Variants in ZNF451 observed in about 807,000 individuals in gnomAD.
The protein encoded by ZNF451 is E3 SUMO-protein ligase ZNF451.
In ZNF451, 80 loss-of-function variants were observed where a neutral mutation model predicts 107.1. The ratio of observed to expected loss-of-function variants is 0.75; its 90% CI spans 0.62 to 0.90. The LOEUF (loss-of-function observed/expected upper bound fraction) is 0.90, where lower values mean the gene tolerates loss of function less well. Among genes scored for constraint, ZNF451 ranks in the 40% least tolerant of loss-of-function variants. The pLI, the probability that ZNF451 is intolerant of heterozygous loss-of-function variation, is 0.00. For missense variants in ZNF451, 1,107 were observed against 1,236.2 expected, an observed-to-expected ratio of 0.90 and a Z score of 1.57; for synonymous variants, 362 against 406.5, an observed-to-expected ratio of 0.89 and a Z score of 1.32.
intron 3 of ZNF451, chr6:57,107,753 T>C (rs1203215433): frequency 5.1e-6 from 5 of 985,382 alleles, no homozygotes; most frequent in African/African-American, 3.5e-5. Context: ...TTTAGGACTT[T>C]GGAGATCTCT....
At chr6:57,131,767 A>G (rs758157424) in intron 5 of ZNF451, among the ~76,000 whole-genome samples, 1 of 152,190 alleles carries the variant, frequency 6.6e-6, no homozygotes, top group Non-Finnish European at 1.5e-5. Flanking sequence ...AAAGATAAAT[A>G]TTTAGCTTTT....
chr6:57,159,033 T>G, intron 13 of ZNF451: 4 of 985,376 alleles, frequency 4.1e-6, no homozygotes, highest in Non-Finnish European at 4.8e-6. Context: ...ACTTATTTCT[T>G]AAAGTCTGTC....
At chr6:57,162,009 T>C (rs1035945430) in intron 14 of ZNF451, among the ~76,000 whole-genome samples, 2 of 152,228 alleles carry the variant, frequency 1.3e-5, no homozygotes, top group Admixed American at 1.3e-4. Flanking sequence ...TTTACTTTGG[T>C]TTTTCTATAA....
intron 14 of ZNF451, among the ~76,000 whole-genome samples, chr6:57,164,188 C>T (rs373749984): frequency 3.3e-5 from 5 of 152,270 alleles, no homozygotes; most frequent in Admixed American, 6.5e-5. Flanking sequence ...AAACAGATGC[C>T]GCATAATGTG....
intron 3 of ZNF451, among the ~76,000 whole-genome samples, chr6:57,118,412 A>G (rs1255039599): frequency 6.6e-6 from 1 of 152,210 alleles, no homozygotes; most frequent in East Asian, 1.9e-4. Flanking sequence ...ATTAAAGTTT[A>G]TATTTGTGAT....
intron 3 of ZNF451, chr6:57,103,833 A>T (rs907803195): frequency 7.1e-6 from 7 of 985,150 alleles, no homozygotes; most frequent in Non-Finnish European, 7.2e-6. Flanking sequence ...TTAATAATCT[A>T]TTGGAAGCTC....
rs146237119 is a variant in ZNF451, at chr6:57,093,795, G to A, written c.105+2901G>A. Among the ~76,000 whole-genome samples the A allele has an allele frequency of 1.1e-4, 16 of 152,358 alleles. No homozygotes were observed. The East Asian group carries it at 2.9e-3, about 28-fold the overall frequency. ...AAAGCAGAGAGGATTATGTGTAGTC[G>A]TGAAAGATTTTTTGTTGTTTTTTAA... On this transcript the variant is annotated intron_variant, in intron 2 of 14. Coordinates refer to ENST00000370706, the MANE Select transcript of ZNF451 (RefSeq NM_001031623.3).
intron 14 of ZNF451, among the ~76,000 whole-genome samples, chr6:57,161,761 C>G (rs543939174): frequency 6.6e-6 from 1 of 152,254 alleles, no homozygotes; most frequent in South Asian, 2.1e-4. Flanking sequence ...GTGGTACAAT[C>G]TCAGCTCACT....
chr6:57,124,060 A>G (rs1830780548), intron 3 of ZNF451, among the ~76,000 whole-genome samples: 1 of 152,204 alleles, frequency 6.6e-6, no homozygotes, highest in African/African-American at 2.4e-5. Flanking sequence ...AAGAGGGGAT[A>G]TCCTTGCCTT....
intron 7 of ZNF451, among the ~76,000 whole-genome samples, chr6:57,138,719 A>G: frequency 9.0e-6 from 1 of 110,998 alleles, no homozygotes; most frequent in African/African-American, 3.4e-5. Flanking sequence ...ATATATATAT[A>G]TATATATATA....
chr6:57,156,856 C>T (rs1763451993), intron 13 of ZNF451, among the ~76,000 whole-genome samples: 3 of 152,168 alleles, frequency 2.0e-5, no homozygotes, highest in Non-Finnish European at 2.9e-5. Context: ...AGCGTACAAC[C>T]TAGATCCCTT....
chr6:57,119,630 T>A (rs898780099), intron 3 of ZNF451, among the ~76,000 whole-genome samples: 1 of 152,084 alleles, frequency 6.6e-6, no homozygotes, highest in Non-Finnish European at 1.5e-5. Flanking sequence ...GAAAGTACAG[T>A]CAGACAGTGT....
At chr6:57,093,000 A>G (rs1393869302) in intron 2 of ZNF451, 1 of 152,236 alleles carries the variant, frequency 6.6e-6, no homozygotes, top group African/African-American at 2.4e-5. Flanking sequence ...CTATGTAAAC[A>G]GCGCCTAAAT....
chr6:57,094,112 G>A (rs1192230640), intron 2 of ZNF451, among the ~76,000 whole-genome samples: 6 of 152,054 alleles, frequency 3.9e-5, no homozygotes, highest in Non-Finnish European at 8.8e-5. Context: ...GTAGGAAATT[G>A]GTGTTTTGGC....
Position 57,147,413 on chromosome 6 carries a change from C to T in ZNF451, c.1328C>T (p.Ala443Val), listed in dbSNP as rs141453646. ...IKESSSLECI[A>V]IPKKKMNLKD... Reference sequence around the variant, plus strand: ...GAATCTAGCTCACTGGAGTGCATTGCCATTCCAAAAAAGAAGATGAATTTA... The same window carrying T: ...GAATCTAGCTCACTGGAGTGCATTGTCATTCCAAAAAAGAAGATGAATTTA... The change falls in exon 10 of 15, where the codon GCC becomes GTC. Residue 443 changes from alanine (A) to valine (V), a missense_variant. Physicochemically the swap from Ala to Val is moderately conservative, Grantham distance 64. Coordinates refer to ENST00000370706, the MANE Select transcript of ZNF451 (RefSeq NM_001031623.3). 1 of 1,613,834 alleles carries T rather than the reference C, an allele frequency of 6.2e-7. No homozygotes were observed. Among genetic ancestry groups the T allele is most frequent in the Non-Finnish European group, 8.5e-7 (1 of 1,179,900 alleles).
intron 3 of ZNF451, chr6:57,106,411 G>A: frequency 2.9e-6 from 2 of 686,014 alleles, no homozygotes; most frequent in Non-Finnish European, 3.6e-6. Flanking sequence ...CCGGGTTCAA[G>A]CAATTCTGTC....
intron 13 of ZNF451, among the ~76,000 whole-genome samples, chr6:57,155,596 A>G (rs1157400870): frequency 6.6e-6 from 1 of 152,156 alleles, no homozygotes; most frequent in Non-Finnish European, 1.5e-5. Flanking sequence ...CACAAGGCCA[A>G]CCTCCCTTTC....
chr6:57,104,406 C>G, intron 3 of ZNF451: 1 of 985,376 alleles, frequency 1.0e-6, no homozygotes, highest in Non-Finnish European at 1.2e-6. Context: ...CTACTTCAGA[C>G]TTTTCACTTT....
chr6:57,148,875 CGAG>C (rs1562623956), intron 10 of ZNF451, among the ~76,000 whole-genome samples, 182 bp downstream of exon 10: 1 of 151,984 alleles, frequency 6.6e-6, no homozygotes, highest in Non-Finnish European at 1.5e-5. Flanking sequence ...TCTAAACTTA[CGAG>C]GACAGAGTAT....
Sources: allele counts gnomAD v4.1 joint callset (sites outside exome capture counted in the v4.1 genomes callset), GRCh38; gene constraint gnomAD v4.1.1; transcripts MANE v1.5; gene names NCBI Gene and HGNC (gene_info 2026-07-23, HGNC 2026-07-21).